The following NPAS3 variants were observed in gnomAD, a reference collection of about 807,000 sequenced individuals.
The protein encoded by NPAS3 is neuronal PAS domain-containing protein 3.
Under a neutral mutation model 73.1 loss-of-function variants are expected in NPAS3, and 14 were observed. The observed-to-expected ratio is 0.19, with a 90% CI of 0.13 to 0.30. The LOEUF (loss-of-function observed/expected upper bound fraction) is 0.30. NPAS3 is among the 10% of genes least tolerant of loss of function. The probability of loss-of-function intolerance (pLI) is 1.00; values close to 1 mark genes in which losing one functional copy is unlikely to be tolerated. For missense variants in NPAS3, 1,096 were observed against 1,250.0 expected (o/e 0.88, Z 1.86); for synonymous variants, 620 against 541.5 (o/e 1.14, Z -2.01).
rs1173625723 is a variant in NPAS3 at position 33,296,478 on chromosome 14, G to A, written c.386-70708G>A. On this transcript the variant is annotated intron_variant, in intron 3 of 11. Transcript: ENST00000356141. Reference sequence around the variant, plus strand: ...CATTTCTTTTCTGGTGTTAATTCAAGGCATTGATTTAAATCTATTAAGCCC... The same window carrying A: ...CATTTCTTTTCTGGTGTTAATTCAAAGCATTGATTTAAATCTATTAAGCCC... Among the ~76,000 whole-genome samples, 7 of 152,250 alleles carry A rather than the reference G, an allele frequency of 4.6e-5. No homozygotes were observed. In the East Asian group the frequency reaches 1.2e-3, roughly 25 times the overall value.
intron 3 of NPAS3, among the ~76,000 whole-genome samples, chr14:33,354,838 A>G (rs1051191659): frequency 6.6e-6 from 1 of 152,006 alleles, no homozygotes; most frequent in African/African-American, 2.4e-5. Context: ...ACCCCTCTCT[A>G]CGGTCTTACT....
intron 2 of NPAS3, among the ~76,000 whole-genome samples, chr14:33,094,483 T>G (rs1397359331): frequency 6.6e-6 from 1 of 151,640 alleles, no homozygotes; most frequent in Non-Finnish European, 1.5e-5. Flanking sequence ...TTTTTTTTTT[T>G]GAGATGGAGT....
At chr14:33,774,596 C>T (rs2062755141) in intron 8 of NPAS3, 66 bp downstream of exon 8, 7 of 1,318,902 alleles carry the variant, frequency 5.3e-6, no homozygotes, top group Admixed American at 1.7e-5. Context: ...GTGTTTCAGC[C>T]GTCTGAAGGA....
upstream of NPAS3, among the ~76,000 whole-genome samples, chr14:32,938,995 C>T (rs1338833211): frequency 6.8e-6 from 1 of 146,032 alleles, no homozygotes; most frequent in African/African-American, 2.5e-5. Context: ...GGAGAAGGCG[C>T]AGGCGGCGGC....
chr14:33,268,532 TTG>T (rs1427607911), intron 3 of NPAS3, among the ~76,000 whole-genome samples: 2 of 152,260 alleles, frequency 1.3e-5, no homozygotes, highest in East Asian at 3.9e-4. Context: ...TTCTCCTTTA[TTG>T]TATCTCTTTT....
chr14:33,475,413 G>A (rs1241221509), intron 4 of NPAS3, among the ~76,000 whole-genome samples: 1 of 151,930 alleles, frequency 6.6e-6, no homozygotes. Flanking sequence ...AAAATCATAG[G>A]TCTGATTTTG....
At chr14:33,199,535 T>A (rs1399242693) in intron 2 of NPAS3, among the ~76,000 whole-genome samples, 1 of 152,190 alleles carries the variant, frequency 6.6e-6, no homozygotes, top group Non-Finnish European at 1.5e-5. Context: ...AGTTTGGTGC[T>A]CACTAGTACC....
chr14:33,173,283 A>T (rs1294273172), intron 2 of NPAS3, among the ~76,000 whole-genome samples: 2 of 152,186 alleles, frequency 1.3e-5, no homozygotes, highest in Non-Finnish European at 2.9e-5. Context: ...ACTCCCAGAT[A>T]TTAGAGTTTA....
intron 6 of NPAS3, among the ~76,000 whole-genome samples, chr14:33,707,866 C>G (rs998944185): frequency 1.3e-5 from 2 of 152,174 alleles, no homozygotes; most frequent in African/African-American, 4.8e-5. Context: ...TATCGCTTTG[C>G]CTGCATGCGT....
intron 3 of NPAS3, among the ~76,000 whole-genome samples, chr14:33,293,777 C>CA (rs2042190136): frequency 6.6e-6 from 1 of 152,158 alleles, no homozygotes; most frequent in Non-Finnish European, 1.5e-5. Context: ...TTCAAGAGGT[C>CA]AAAATAATAC....
chr14:33,717,345 G>A (rs528800598), intron 6 of NPAS3, among the ~76,000 whole-genome samples: 1 of 151,530 alleles, frequency 6.6e-6, no homozygotes, highest in African/African-American at 2.4e-5. Context: ...TTCTTTCTGA[G>A]AAGGGGCAAG....
chr14:33,054,195 T>C (rs1361165998), intron 1 of NPAS3, among the ~76,000 whole-genome samples: 2 of 152,224 alleles, frequency 1.3e-5, no homozygotes, highest in South Asian at 4.1e-4. Context: ...TTTATATCTC[T>C]TGCTTTCTTG....
At chr14:33,730,817 G>A (rs8013989) in intron 6 of NPAS3, among the ~76,000 whole-genome samples, 15,276 of 152,206 alleles carry the variant, frequency 0.1, 1,928 homozygotes, top group East Asian at 0.28. Context: ...CAAGATCATT[G>A]CAAAATGAAC....
chr14:33,602,367 C>T (rs1026659638), intron 5 of NPAS3, among the ~76,000 whole-genome samples: 5 of 152,224 alleles, frequency 3.3e-5, no homozygotes, highest in African/African-American at 1.2e-4. Context: ...ACAAAAGGGT[C>T]TTGTCGAGCA....
chr14:33,154,693 C>G (rs372685583), intron 2 of NPAS3, among the ~76,000 whole-genome samples: 22 of 152,340 alleles, frequency 1.4e-4, no homozygotes, highest in Admixed American at 3.9e-4. Flanking sequence ...TTCTGTTCCC[C>G]TTAGAAAAGG....
chr14:33,568,208 A>G (rs942265399), intron 5 of NPAS3, among the ~76,000 whole-genome samples: 2 of 152,238 alleles, frequency 1.3e-5, no homozygotes, highest in South Asian at 4.1e-4. Flanking sequence ...TAGAGCACTG[A>G]GCAAAAGTAA....
At chr14:33,757,404 G>A (rs1197981604) in intron 7 of NPAS3, among the ~76,000 whole-genome samples, 1 of 152,148 alleles carries the variant, frequency 6.6e-6, no homozygotes, top group African/African-American at 2.4e-5. Flanking sequence ...GGCTCATAGA[G>A]GTCCTGCTGC....
At chr14:33,709,766 A>G (rs1226339545) in intron 6 of NPAS3, among the ~76,000 whole-genome samples, 2 of 152,056 alleles carry the variant, frequency 1.3e-5, no homozygotes, top group African/African-American at 4.8e-5. Context: ...TACAAACCCA[A>G]TCCTTTCTGC....
intron 2 of NPAS3, among the ~76,000 whole-genome samples, chr14:33,099,061 TGGCA>T (rs2042507399): frequency 6.6e-6 from 1 of 152,176 alleles, no homozygotes; most frequent in Non-Finnish European, 1.5e-5. Context: ...CACAAAGCCC[TGGCA>T]GGCAAGGTCA....
Sources: allele counts gnomAD v4.1 joint callset (sites outside exome capture counted in the v4.1 genomes callset), GRCh38; gene constraint gnomAD v4.1.1; transcripts MANE v1.5; gene names NCBI Gene and HGNC (gene_info 2026-07-23, HGNC 2026-07-21).